CHD7: variants seen among roughly 807,000 people sequenced by gnomAD.
CHD7 encodes the protein chromodomain helicase DNA binding protein 7, also known as ATP-dependent chromatin remodeler CHD7.
A neutral mutation model predicts 307.3 loss-of-function variants in CHD7; 24 were observed. The ratio of observed to expected loss-of-function variants is 0.08; its 90% CI spans 0.06 to 0.11. The LOEUF (loss-of-function observed/expected upper bound fraction) is 0.11, where lower values mean the gene tolerates loss of function less well. CHD7 is among the 10% of genes least tolerant of loss of function. CHD7 has a pLI of 1.00. For missense variants in CHD7, 3,106 were observed against 3,727.1 expected, an observed-to-expected ratio of 0.83 and a Z score of 4.34; for synonymous variants, 1,363 against 1,349.9, an observed-to-expected ratio of 1.01 and a Z score of -0.21.
chr8:60,769,793 C>T (rs1030989654), intron 2 of CHD7, among the ~76,000 whole-genome samples: 4 of 152,100 alleles, frequency 2.6e-5, no homozygotes, highest in African/African-American at 9.7e-5. Context: ...AATACTTGAA[C>T]CACTCTTCTG....
At position 60,852,095 on chromosome 8, in the gene CHD7, C is replaced by G; in HGVS notation, c.5742C>G (p.Arg1914=). The change falls in exon 29 of 38, where the codon CGC becomes CGG. Residue 1914 remains arginine (R), a synonymous_variant. Transcript: ENST00000423902. ...PNTSTLTTRL[R]RLITAYQRSY... is the part of the protein sequence containing the mutation. ...CTTCAACCCTGACTACACGTCTGCGCCGGCTCATTACTGCCTATCAGCGCA... is the reference window on the plus strand; with the variant it reads ...CTTCAACCCTGACTACACGTCTGCGGCGGCTCATTACTGCCTATCAGCGCA... 6.2e-7 allele frequency: 1 copy of G among 1,614,026 alleles called. No individual in the cohort carries two copies. The highest frequency in any genetic ancestry group is 1.1e-5 in the South Asian group (1 of 91,082).
chr8:60,782,046 A>G (rs748157915), intron 3 of CHD7, among the ~76,000 whole-genome samples: 4 of 152,106 alleles, frequency 2.6e-5, no homozygotes, highest in Non-Finnish European at 2.9e-5. Context: ...CGCTCCCCCA[A>G]TTTCTTACCC....
At chr8:60,850,470 G>A (rs1805404010) in intron 25 of CHD7, 23 bp from the exon 26 acceptor site, 1 of 1,591,336 alleles carries the variant, frequency 6.3e-7, no homozygotes, top group Non-Finnish European at 8.6e-7. Flanking sequence ...TGTGTTTTCT[G>A]TGCACGGATG....
chr8:60,775,994 A>G (rs1156350955), intron 2 of CHD7, among the ~76,000 whole-genome samples: 1 of 152,184 alleles, frequency 6.6e-6, no homozygotes, highest in Non-Finnish European at 1.5e-5. Flanking sequence ...TCCTGACCTC[A>G]GGTGATCTGC....
chr8:60,788,303 A>T (rs1811599186), intron 3 of CHD7, among the ~76,000 whole-genome samples: 1 of 150,464 alleles, frequency 6.6e-6, no homozygotes, highest in Admixed American at 6.6e-5. Context: ...AGACCTACAG[A>T]GACTTTTTTG....
intron 2 of CHD7, among the ~76,000 whole-genome samples, chr8:60,772,015 T>C (rs1292600094): frequency 1.3e-5 from 2 of 152,180 alleles, no homozygotes; most frequent in African/African-American, 4.8e-5. Context: ...GGCTTGAGGG[T>C]CGCAGGTCCC....
At chr8:60,841,219 C>G (rs913917159) in intron 19 of CHD7, among the ~76,000 whole-genome samples, 5 of 152,242 alleles carry the variant, frequency 3.3e-5, no homozygotes, top group African/African-American at 1.2e-4. Flanking sequence ...CCCTGACTAC[C>G]CTTATCCCCT....
chr8:60,710,077 T>TA (rs1807206393), intron 1 of CHD7, among the ~76,000 whole-genome samples: 1 of 138,420 alleles, frequency 7.2e-6, no homozygotes, highest in African/African-American at 3.0e-5. Flanking sequence ...CCAATGTCAC[T>TA]TTTTTTTTTT....
intron 1 of CHD7, among the ~76,000 whole-genome samples, chr8:60,735,223 C>G (rs570100527): frequency 3.9e-4 from 59 of 152,290 alleles, no homozygotes; most frequent in African/African-American, 1.4e-3. Context: ...AGGCTTATTT[C>G]CCATTGTTTG....
At chr8:60,755,330 G>T (rs1399802082) in intron 2 of CHD7, among the ~76,000 whole-genome samples, 1 of 151,978 alleles carries the variant, frequency 6.6e-6, no homozygotes, top group Non-Finnish European at 1.5e-5. Context: ...AACATTTATG[G>T]GCAGCACTGT....
chr8:60,733,270 A>G (rs748674018), intron 1 of CHD7, among the ~76,000 whole-genome samples: 10 of 99,318 alleles, frequency 1.0e-4, no homozygotes, highest in African/African-American at 3.2e-4. Flanking sequence ...ATAGATACAC[A>G]TATTTTATGT....
At chr8:60,818,367 G>C (rs1412034661) in intron 8 of CHD7, among the ~76,000 whole-genome samples, 1 of 152,236 alleles carries the variant, frequency 6.6e-6, no homozygotes, top group East Asian at 1.9e-4. Flanking sequence ...AAATGTGTAG[G>C]AAAAGTTAAG....
At chr8:60,764,795 C>G (rs922305268) in intron 2 of CHD7, among the ~76,000 whole-genome samples, 1 of 152,066 alleles carries the variant, frequency 6.6e-6, no homozygotes, top group Non-Finnish European at 1.5e-5. Context: ...AATGCAGGGC[C>G]AGGAAGGAAG....
Position 60,845,406 on chromosome 8 carries a change from A to T in CHD7, c.5207A>T (p.Asn1736Ile), listed in dbSNP as rs1189896618. Residue 1736 changes from asparagine to isoleucine, a missense_variant, in exon 23 of 38, where the codon AAC becomes ATC. Asn to Ile is a moderately radical substitution (Grantham distance 149). This residue lies in a region of CHD7 where 1,030 missense variants were observed against 1,165.4 expected (regional missense o/e 0.88). Coordinates refer to ENST00000423902, the MANE Select transcript of CHD7 (RefSeq NM_017780.4). ...SYKKHLKHHCNKVLLRVRMLY... is the reference protein window; with the variant it reads ...SYKKHLKHHCIKVLLRVRMLY... ...AAGAAACACCTGAAGCATCACTGTA[A>T]CAAGTATGTTATTAGAGGGTGGACC... The T allele has an allele frequency of 1.2e-6, 2 of 1,613,622 alleles. No individual in the cohort carries two copies.
intron 3 of CHD7, among the ~76,000 whole-genome samples, chr8:60,787,825 CT>C (rs1342654072): frequency 2.4e-5 from 3 of 125,280 alleles, no homozygotes; most frequent in Non-Finnish European, 3.2e-5. Flanking sequence ...TGTAGATTTT[CT>C]TTCTTTTTTT....
chr8:60,788,533 T>G (rs1013088041), intron 3 of CHD7, among the ~76,000 whole-genome samples: 1 of 152,256 alleles, frequency 6.6e-6, no homozygotes, highest in Admixed American at 6.5e-5. Flanking sequence ...AATTCTTCCC[T>G]CTTCCTTTCC....
intron 1 of CHD7, among the ~76,000 whole-genome samples, chr8:60,719,534 G>C (rs1334246232): frequency 6.6e-6 from 1 of 152,132 alleles, no homozygotes; most frequent in African/African-American, 2.4e-5. Context: ...TTAGGGGCTA[G>C]TTTGTCTTGC....
intron 8 of CHD7, among the ~76,000 whole-genome samples, chr8:60,817,540 A>T (rs970431258): frequency 6.6e-6 from 1 of 152,146 alleles, no homozygotes; most frequent in Non-Finnish European, 1.5e-5. Context: ...TACTGGACAC[A>T]TGTCTGCATC....
At chr8:60,858,914 G>A (rs1197447128) in intron 34 of CHD7, among the ~76,000 whole-genome samples, 3 of 152,168 alleles carry the variant, frequency 2.0e-5, no homozygotes, top group African/African-American at 4.8e-5. Context: ...TTTGGATCAC[G>A]ACACAGCTTT....
Sources: gnomAD v4.1 joint callset for allele counts (sites outside exome capture counted in the v4.1 genomes callset) on GRCh38, gnomAD v4.1.1 for gene constraint, gnomAD v4.1.1 regional missense constraint, MANE v1.5 for transcripts, NCBI Gene and HGNC (gene_info 2026-07-23, HGNC 2026-07-21) for gene names.